Variants in RAD54L2 observed in about 807,000 individuals in gnomAD.
RAD54L2 encodes the protein helicase ARIP4.
In RAD54L2, 27 loss-of-function variants were observed where a neutral mutation model predicts 138.4. The observed-to-expected ratio is 0.20, with a 90% CI of 0.14 to 0.27. The LOEUF (loss-of-function observed/expected upper bound fraction) is 0.27. Among genes scored for constraint, RAD54L2 ranks in the 10% least tolerant of loss-of-function variants. RAD54L2 has a pLI of 1.00. For synonymous variants in RAD54L2, 644 were observed against 723.2 expected (o/e 0.89, Z 1.76); for missense variants, 1,396 against 1,890.2 (o/e 0.74, Z 4.85).
intron 4 of RAD54L2, 146 bp downstream of exon 4, chr3:51,627,900 G>A: frequency 1.1e-6 from 1 of 897,200 alleles, no homozygotes; most frequent in East Asian, 2.6e-5. Context: ...TTCATTAATA[G>A]TGAAGGTGCA....
intron 3 of RAD54L2, among the ~76,000 whole-genome samples, chr3:51,606,601 G>A (rs2106746460): frequency 6.6e-6 from 1 of 152,078 alleles, no homozygotes; most frequent in Middle Eastern, 3.4e-3. Context: ...CCATTACAGC[G>A]TGGCCCCAGA....
intron 3 of RAD54L2, among the ~76,000 whole-genome samples, chr3:51,602,995 A>G (rs1469254193): frequency 6.6e-6 from 1 of 152,028 alleles, no homozygotes; most frequent in Non-Finnish European, 1.5e-5. Flanking sequence ...ACTCCAGCTA[A>G]TTTTTAAAAA....
At chr3:51,656,862 A>C (rs564769046) in intron 20 of RAD54L2, among the ~76,000 whole-genome samples, 32 of 151,670 alleles carry the variant, frequency 2.1e-4, no homozygotes, top group Admixed American at 9.9e-4. Flanking sequence ...CAGCCTCCCG[A>C]GTTGCTGGAA....
rs574744666 is a variant in RAD54L2 at position 51,662,293 on chromosome 3, G to A, written c.3410-133G>A. On this transcript the variant is annotated intron_variant, in intron 22 of 22. Coordinates refer to ENST00000684192, the MANE Select transcript of RAD54L2 (RefSeq NM_015106.4). The surrounding 1 kb of genome is among the most constrained non-coding windows in gnomAD (Gnocchi z 4.6). ...TGTGACTGGAAAAGGTTGACTGGGT[G>A]ATGTTGTTCAGACATCAAACTATTA... 1.4e-5 allele frequency: 10 copies of A among 739,908 alleles called. No homozygotes were observed. The African/African-American group carries it at 1.8e-4, about 14-fold the overall frequency. The allele number at this position is 739,908 out of a possible 1,614,324, so 45.8% of individuals were successfully genotyped here. A position where few individuals can be genotyped will look rare whatever the true frequency, so the allele number is the denominator to read the frequency against.
At chr3:51,599,772 C>T (rs987008441) in intron 3 of RAD54L2, among the ~76,000 whole-genome samples, 25 of 150,226 alleles carry the variant, frequency 1.7e-4, no homozygotes, top group African/African-American at 5.6e-4. Flanking sequence ...GGGCAAAAAC[C>T]GCGATTACTT....
intron 2 of RAD54L2, among the ~76,000 whole-genome samples, chr3:51,547,880 ACTTT>A (rs1213713398): frequency 2.6e-5 from 4 of 151,784 alleles, no homozygotes; most frequent in South Asian, 2.1e-4. Context: ...CCTATAAAAT[ACTTT>A]CTTTCTTTCT....
chr3:51,649,381 T>C (rs1303634623), intron 19 of RAD54L2, among the ~76,000 whole-genome samples: 2 of 152,170 alleles, frequency 1.3e-5, no homozygotes, highest in Non-Finnish European at 2.9e-5. Context: ...CTTCAGGATA[T>C]TATCCAGGAG....
Position 51,637,022 on chromosome 3 carries a change from C to G in RAD54L2, c.1340-139C>G, listed in dbSNP as rs1207031725. The G allele has an allele frequency of 9.6e-6, 7 of 732,080 alleles. No homozygotes were observed. In the Admixed American group the frequency reaches 1.4e-4, roughly 15 times the overall value. The allele number at this position is 732,080 out of a possible 1,614,324, so 45.3% of individuals were successfully genotyped here. A position where few individuals can be genotyped will look rare whatever the true frequency, so the allele number is the denominator to read the frequency against. On this transcript the variant is annotated intron_variant, in intron 10 of 22. Transcript: ENST00000684192. The surrounding 1 kb of genome is among the most constrained non-coding windows in gnomAD (Gnocchi z 5.9). Reference sequence around the variant, plus strand: ...CAGGAGCTTGAATGGCTGGCACCCTCTCACCAAGGGGGGCTGACTCTTGCT... The same window carrying G: ...CAGGAGCTTGAATGGCTGGCACCCTGTCACCAAGGGGGGCTGACTCTTGCT...
intron 22 of RAD54L2, among the ~76,000 whole-genome samples, chr3:51,661,459 T>C (rs1329829614): frequency 6.6e-6 from 1 of 152,246 alleles, no homozygotes; most frequent in Non-Finnish European, 1.5e-5. Flanking sequence ...TACTCCACCA[T>C]CACTGACAGT....
chr3:51,601,310 CTT>C (rs779030766), intron 3 of RAD54L2, among the ~76,000 whole-genome samples: 17 of 123,020 alleles, frequency 1.4e-4, no homozygotes, highest in Non-Finnish European at 1.9e-4. Flanking sequence ...CTGCGCCCGG[CTT>C]TTTTTTTTTT....
At chr3:51,635,894 T>A in intron 10 of RAD54L2, 105 bp downstream of exon 10, 1 of 1,238,650 alleles carries the variant, frequency 8.1e-7, no homozygotes, top group Non-Finnish European at 1.1e-6. Flanking sequence ...TTGATGTGAA[T>A]TGTTATCATG....
intron 2 of RAD54L2, among the ~76,000 whole-genome samples, chr3:51,551,684 C>A (rs1023157774): frequency 6.6e-6 from 1 of 151,944 alleles, no homozygotes; most frequent in African/African-American, 2.4e-5. Context: ...ACCCACCTGC[C>A]TCGGCCTCCC....
chr3:51,642,207 G>T (rs1311442700), intron 15 of RAD54L2, among the ~76,000 whole-genome samples: 1 of 152,204 alleles, frequency 6.6e-6, no homozygotes, highest in Non-Finnish European at 1.5e-5. Flanking sequence ...TCTCAAAAAT[G>T]GGGAGGATTT....
chr3:51,646,019 G>T (rs1701270386), intron 18 of RAD54L2, among the ~76,000 whole-genome samples: 3 of 152,148 alleles, frequency 2.0e-5, no homozygotes, highest in Admixed American at 2.0e-4. Flanking sequence ...AGAAAGAGAG[G>T]GGGAAAGTTC....
intron 16 of RAD54L2, among the ~76,000 whole-genome samples, chr3:51,644,384 G>T (rs1351250100): frequency 6.6e-6 from 1 of 152,190 alleles, no homozygotes; most frequent in Non-Finnish European, 1.5e-5. Flanking sequence ...GGTCGAAGCT[G>T]CAGTGAGCTG....
chr3:51,598,776 A>G (rs1700024194), intron 3 of RAD54L2, among the ~76,000 whole-genome samples: 1 of 152,038 alleles, frequency 6.6e-6, no homozygotes, highest in Non-Finnish European at 1.5e-5. Context: ...AAAACCCTAG[A>G]GGACTGAGTT....
Position 51,645,535 on chromosome 3 carries a change from A to G in RAD54L2, c.2657-56A>G. 6.8e-7 allele frequency: 1 copy of G among 1,476,646 alleles called. No homozygotes were observed. The highest frequency in any genetic ancestry group is 1.3e-5 in the South Asian group (1 of 74,828). The allele number at this position is 1,476,646 out of a possible 1,614,324, so 91.5% of individuals were successfully genotyped here. ...ATGGGATGACTTTTCATTATTAGTG[A>G]CCTTTACAGTTTTTAATGCCATGTG... On this transcript the variant is annotated intron_variant, in intron 17 of 22. Transcript: ENST00000684192. The surrounding 1 kb of genome is among the most constrained non-coding windows in gnomAD (Gnocchi z 6.1).
chr3:51,626,867 T>C (rs541231059), intron 3 of RAD54L2, among the ~76,000 whole-genome samples: 1 of 152,318 alleles, frequency 6.6e-6, no homozygotes, highest in East Asian at 1.9e-4. Context: ...TTCAAATTCC[T>C]GTGATGTCTT....
rs17852234 is a variant in RAD54L2, at chr3:51,630,851, C to T, written c.745C>T (p.Leu249Phe). The change falls in exon 7 of 23, where the codon CTT becomes TTT. Residue 249 changes from leucine to phenylalanine, a missense_variant. Leu to Phe is a conservative substitution (Grantham distance 22). Coordinates refer to ENST00000684192, the MANE Select transcript of RAD54L2 (RefSeq NM_015106.4). Reference protein sequence around the residue: ...LNQRDALGRVLVNLNHPPEEE... With the variant: ...LNQRDALGRVFVNLNHPPEEE... ...CCAGCGTGACGCCCTTGGGCGGGTC[C>T]TTGTCAACCTAAACCACCCTCCAGA... 1.9e-6 allele frequency: 3 copies of T among 1,613,950 alleles called. No homozygotes were observed. Among genetic ancestry groups the T allele is most frequent in the Non-Finnish European group, 2.5e-6 (3 of 1,179,910 alleles).
Sources: allele counts gnomAD v4.1 joint callset (sites outside exome capture counted in the v4.1 genomes callset), GRCh38; gene constraint gnomAD v4.1.1; non-coding constraint Gnocchi (gnomAD v3.1); transcripts MANE v1.5; gene names NCBI Gene and HGNC (gene_info 2026-07-23, HGNC 2026-07-21).